The following FAM161B variants were observed in gnomAD, a reference collection of about 807,000 sequenced individuals.
The protein encoded by FAM161B is FAM161 centrosomal protein B, also known as protein FAM161B.
In FAM161B, 46 loss-of-function variants were observed where a neutral mutation model predicts 61.5. The ratio of observed to expected loss-of-function variants is 0.75; its 90% CI spans 0.59 to 0.96. The LOEUF is 0.96. FAM161B is among the 40% of genes least tolerant of loss of function. The pLI is 0.00. For synonymous variants in FAM161B, 284 were observed against 302.7 expected, an observed-to-expected ratio of 0.94 and a Z score of 0.64; for missense variants, 774 against 800.7, an observed-to-expected ratio of 0.97 and a Z score of 0.40.
Position 73,944,496 on chromosome 14 carries a change from GAA to G in FAM161B, c.762_763del (p.Ser255PhefsTer27). 1 of 1,614,098 alleles carries G rather than the reference GAA, an allele frequency of 6.2e-7. No individual in the cohort carries two copies. Among genetic ancestry groups the G allele is most frequent in the South Asian group, 1.1e-5 (1 of 91,082 alleles). Reference sequence around the variant, plus strand: ...CTCCAGGAAGCTGAAGGGCTTCAAAGAAGAGAGGAGCAGTTCCTTCCTCTTCT... The same window carrying G: ...CTCCAGGAAGCTGAAGGGCTTCAAAGGAGAGGAGCAGTTCCTTCCTCTTCT... On this transcript the variant is annotated frameshift_variant, in exon 3 of 9. Coordinates refer to ENST00000286544, the MANE Select transcript of FAM161B (RefSeq NM_152445.3). LOFTEE classifies it high-confidence loss of function.
At chr14:73,947,317 G>A (rs770003228) in intron 1 of FAM161B, among the ~76,000 whole-genome samples, 9 of 150,800 alleles carry the variant, frequency 6.0e-5, no homozygotes, top group Admixed American at 2.0e-4. Context: ...CCCGGGAGGC[G>A]GAGGTGGCAG....
chr14:73,932,214 A>G (rs1046999810), downstream of FAM161B: 1 of 335,518 alleles, frequency 3.0e-6, no homozygotes, highest in Non-Finnish European at 5.8e-6. Flanking sequence ...TTGTTTTTTT[A>G]AAGTTAAAAA....
chr14:73,935,866 GCTATT>G (rs758591296), intron 8 of FAM161B, 78 bp downstream of exon 8: 2 of 1,422,808 alleles, frequency 1.4e-6, no homozygotes, highest in South Asian at 1.6e-5. Flanking sequence ...AATACCAGTG[GCTATT>G]CTAAAGTTTC....
At chr14:73,942,002 G>A (rs1321953410) in intron 4 of FAM161B, among the ~76,000 whole-genome samples, 1 of 152,176 alleles carries the variant, frequency 6.6e-6, no homozygotes, top group Non-Finnish European at 1.5e-5. Flanking sequence ...CACCACGCCT[G>A]GCCTGTTTTT....
rs1566673303 is a variant in FAM161B at position 73,938,035 on chromosome 14, A to G, written c.1478T>C (p.Met493Thr). 15 of 1,613,836 alleles carry G rather than the reference A, an allele frequency of 9.3e-6. No individual in the cohort carries two copies. The highest frequency in any genetic ancestry group is 1.2e-5 in the Non-Finnish European group (14 of 1,179,916). The change falls in exon 6 of 9, where the codon ATG (methionine) becomes ACG (threonine). Residue 493 changes from methionine (M) to threonine (T), a missense_variant. Coordinates refer to ENST00000286544, the MANE Select transcript of FAM161B (RefSeq NM_152445.3). ...TGCACGCAAGGTCACAGATTTGGAC[A>G]TTGCTTGAGACTTCTTTTTGTGTAT... ...LEIHKKKSQAMSKSVTLRAKA... is the reference protein window; with the variant it reads ...LEIHKKKSQATSKSVTLRAKA...
Position 73,946,424 on chromosome 14 carries a change from C to G in FAM161B, c.236G>C (p.Arg79Thr). The change falls in exon 2 of 9, where the codon AGA becomes ACA. Residue 79 changes from arginine (R) to threonine (T), a missense_variant. Arg to Thr is a moderately conservative substitution (Grantham distance 71). Coordinates refer to ENST00000286544, the MANE Select transcript of FAM161B (RefSeq NM_152445.3). Reference sequence around the variant, plus strand: ...AAAGAGAGACTCCAACAGACACCATCTCCCTTTCTGCTTCAGTTCCTGTAA... The same window carrying G: ...AAAGAGAGACTCCAACAGACACCATGTCCCTTTCTGCTTCAGTTCCTGTAA... ...QNLQELKQKG[R>T]WCLLESLFQS... 6.2e-7 allele frequency: 1 copy of G among 1,614,194 alleles called. No individual in the cohort carries two copies. Among genetic ancestry groups the G allele is most frequent in the Non-Finnish European group, 8.5e-7 (1 of 1,180,048 alleles).
intron 3 of FAM161B, among the ~76,000 whole-genome samples, chr14:73,943,789 A>G (rs1477278304): frequency 1.3e-5 from 2 of 150,576 alleles, no homozygotes; most frequent in Non-Finnish European, 2.9e-5. Context: ...TTTTCCTCAC[A>G]TATCTACAAA....
chr14:73,931,358 G>A, downstream of FAM161B: 1 of 645,442 alleles, frequency 1.5e-6, no homozygotes, highest in Non-Finnish European at 2.7e-6. Context: ...ATCAGTCCGT[G>A]CATGTGTTTG....
intron 5 of FAM161B, among the ~76,000 whole-genome samples, chr14:73,939,834 A>C (rs148571129): frequency 6.6e-6 from 1 of 152,372 alleles, no homozygotes; most frequent in Non-Finnish European, 1.5e-5. Flanking sequence ...CATACTGGGA[A>C]GAAGGACATG....
intron 4 of FAM161B, among the ~76,000 whole-genome samples, chr14:73,942,144 C>G (rs1387025498): frequency 6.6e-6 from 1 of 152,180 alleles, no homozygotes; most frequent in Non-Finnish European, 1.5e-5. Context: ...GTACACACCA[C>G]CACATGTGGC....
At chr14:73,949,507 C>T (rs573013365) in intron 1 of FAM161B, among the ~76,000 whole-genome samples, 1 of 149,342 alleles carries the variant, frequency 6.7e-6, no homozygotes, top group South Asian at 2.2e-4. Context: ...CGTGAGCCAG[C>T]GCGCCTGGCC....
intron 1 of FAM161B, 21 bp from the exon 2 acceptor site, chr14:73,946,626 G>T: frequency 6.3e-7 from 1 of 1,596,644 alleles, no homozygotes; most frequent in Non-Finnish European, 8.6e-7. Context: ...ATAGAAATAG[G>T]CTGTGGGTCA....
intron 2 of FAM161B, 27 bp downstream of exon 2, chr14:73,946,259 G>A: frequency 1.3e-6 from 2 of 1,594,896 alleles, no homozygotes; most frequent in Admixed American, 1.7e-5. Context: ...TGTGGAGTGA[G>A]GCAGCCGTGG....
chr14:73,940,482 G>A (rs890124647), intron 5 of FAM161B, among the ~76,000 whole-genome samples: 2 of 152,004 alleles, frequency 1.3e-5, no homozygotes, highest in African/African-American at 4.8e-5. Flanking sequence ...CTTCTCTCCA[G>A]GCTTTGTCTG....
Position 73,934,430 on chromosome 14 carries a change from ATTTT to A in FAM161B, c.1806-40_1806-37del, listed in dbSNP as rs749116181. ...AATTAAAACATGAAAAACAAAAAAA[ATTTT>A]TTTTTCAGACAGGGTCTCACTCTCA... On this transcript the variant is annotated intron_variant, in intron 8 of 8. Transcript: ENST00000286544. 1.9e-6 allele frequency: 3 copies of A among 1,570,028 alleles called. No individual in the cohort carries two copies. In the African/African-American group the frequency reaches 4.2e-5, roughly 22 times the overall value.
chr14:73,949,994 T>A lies in FAM161B; in HGVS notation c.33A>T (p.Gly11=). ...TCACCTGACGGCTCCCCTCCGCGCC[T>A]CCGGGGGCTCCCTCAGGCCTCCCCA... MTVGRPEGAP[G]GAEGSRQIFP... is the part of the protein sequence containing the mutation. Residue 11 remains glycine, a synonymous_variant, in exon 1 of 9, where the codon GGA becomes GGT. Transcript: ENST00000286544. 1 of 1,613,286 alleles carries A rather than the reference T, an allele frequency of 6.2e-7. No homozygotes were observed. The highest frequency in any genetic ancestry group is 8.5e-7 in the Non-Finnish European group (1 of 1,179,996).
At position 73,944,504 on chromosome 14, in the gene FAM161B, G is replaced by A. The variant is rs145629235; in HGVS notation, c.756C>T (p.Leu252=). ...AGCTGAAGGGCTTCAAAGAAGAGAGGAGCAGTTCCTTCCTCTTCTGGATCC... is the reference window on the plus strand; with the variant it reads ...AGCTGAAGGGCTTCAAAGAAGAGAGAAGCAGTTCCTTCCTCTTCTGGATCC... ...QAGIQKRKEL[L]LSSLKPFSFL... The change falls in exon 3 of 9, where the codon CTC becomes CTT. Residue 252 remains leucine, a synonymous_variant. Coordinates refer to ENST00000286544, the MANE Select transcript of FAM161B (RefSeq NM_152445.3). 8.7e-5 allele frequency: 140 copies of A among 1,613,960 alleles called. No homozygotes were observed. In the Middle Eastern group the frequency reaches 1.2e-3, roughly 13 times the overall value.
At chr14:73,940,548 A>AC (rs933622403) in intron 5 of FAM161B, among the ~76,000 whole-genome samples, 1 of 151,234 alleles carries the variant, frequency 6.6e-6, no homozygotes, top group Non-Finnish European at 1.5e-5. Flanking sequence ...ACAAGACAAG[A>AC]CCCCCCTGCT....
the FAM161B span, among the ~76,000 whole-genome samples, chr14:73,925,004 C>T: frequency 5.9e-5 from 9 of 152,154 alleles, no homozygotes; most frequent in Non-Finnish European, 1.2e-4. Flanking sequence ...ACCTTTATAC[C>T]ACAGTAAGCT....
Sources: gnomAD v4.1 joint callset for allele counts (sites outside exome capture counted in the v4.1 genomes callset) on GRCh38, gnomAD v4.1.1 for gene constraint, MANE v1.5 for transcripts, NCBI Gene and HGNC (gene_info 2026-07-23, HGNC 2026-07-21) for gene names.